MRPS28: variants seen among roughly 807,000 people sequenced by gnomAD.
MRPS28 encodes the protein small ribosomal subunit protein bS1m.
MRPS28 carries 7 observed loss-of-function variants against 10.8 expected under a neutral mutation model. That is an observed-to-expected ratio of 0.65 (90% confidence interval 0.37 to 1.22). MRPS28 has a LOEUF of 1.22. MRPS28 is among the 50% of genes most tolerant of loss of function. The pLI, the probability that MRPS28 is intolerant of heterozygous loss-of-function variation, is 0.02. For missense variants in MRPS28, 265 were observed against 232.9 expected (o/e 1.14, Z -0.90); for synonymous variants, 121 against 93.3 (o/e 1.30, Z -1.71).
chr8:79,987,462 A>T (rs1808220721), intron 2 of MRPS28, among the ~76,000 whole-genome samples: 1 of 152,122 alleles, frequency 6.6e-6, no homozygotes, highest in Admixed American at 6.5e-5. Flanking sequence ...TGCACAGCAA[A>T]AGAAACTACC....
At chr8:79,997,495 C>T (rs1270611892) in intron 2 of MRPS28, among the ~76,000 whole-genome samples, 1 of 152,134 alleles carries the variant, frequency 6.6e-6, no homozygotes, top group Non-Finnish European at 1.5e-5. Context: ...GAAAGCAATA[C>T]CTTTCACGTT....
intron 1 of MRPS28, among the ~76,000 whole-genome samples, chr8:80,029,091 C>T (rs545681424): frequency 6.6e-6 from 1 of 152,322 alleles, no homozygotes; most frequent in South Asian, 2.1e-4. Context: ...TGATTTTAGA[C>T]CAGTGAGATC....
chr8:80,028,596 G>C (rs938214128), intron 1 of MRPS28: 2 of 135,636 alleles, frequency 1.5e-5, no homozygotes, highest in Non-Finnish European at 3.1e-5. Context: ...TCTTAAAATA[G>C]ATTATCTAGG....
chr8:79,959,676 T>G (rs1190662651), intron 2 of MRPS28, among the ~76,000 whole-genome samples: 1 of 152,148 alleles, frequency 6.6e-6, no homozygotes, highest in Non-Finnish European at 1.5e-5. Flanking sequence ...ACAGAAATTT[T>G]AGTCCTAAAA....
At chr8:79,952,247 AT>A (rs1166554411) in intron 2 of MRPS28, among the ~76,000 whole-genome samples, 1 of 152,184 alleles carries the variant, frequency 6.6e-6, no homozygotes, top group African/African-American at 2.4e-5. Flanking sequence ...GAGAGAAACA[AT>A]TTTGTTCATA....
intron 2 of MRPS28, among the ~76,000 whole-genome samples, chr8:79,983,050 C>G (rs1210016958): frequency 6.7e-6 from 1 of 149,388 alleles, no homozygotes; most frequent in Non-Finnish European, 1.5e-5. Flanking sequence ...ACACCTCACA[C>G]GGCCAGGTAC....
intron 2 of MRPS28, among the ~76,000 whole-genome samples, chr8:79,923,277 G>A (rs1200430533): frequency 2.0e-5 from 3 of 152,162 alleles, no homozygotes; most frequent in African/African-American, 7.2e-5. Context: ...TGGTGTAAGA[G>A]GATTCACAGA....
At chr8:79,981,630 T>C (rs1053521928) in intron 2 of MRPS28, among the ~76,000 whole-genome samples, 9 of 152,208 alleles carry the variant, frequency 5.9e-5, no homozygotes, top group Non-Finnish European at 8.8e-5. Flanking sequence ...GTAAAAATGC[T>C]GAGTCTGAAA....
intron 2 of MRPS28, among the ~76,000 whole-genome samples, chr8:79,920,273 C>A (rs1303528095): frequency 6.6e-6 from 1 of 152,096 alleles, no homozygotes; most frequent in African/African-American, 2.4e-5. Flanking sequence ...GTCTTTATAG[C>A]AGCATGTTTT....
intron 2 of MRPS28, among the ~76,000 whole-genome samples, chr8:79,982,336 C>T (rs1000557387): frequency 7.9e-5 from 12 of 152,206 alleles, no homozygotes; most frequent in African/African-American, 2.7e-4. Flanking sequence ...GCATGAGCGA[C>T]GCAGAAGACG....
chr8:79,929,160 T>TC (rs1177502154), intron 2 of MRPS28, among the ~76,000 whole-genome samples: 1 of 152,136 alleles, frequency 6.6e-6, no homozygotes, highest in Non-Finnish European at 1.5e-5. Flanking sequence ...AAAATAAAAA[T>TC]CAACTACATA....
rs1019999456 is a variant in MRPS28 at position 79,958,546 on chromosome 8, TAAGA to T, written c.396-39402_396-39399del. ...TAACAATTTTTTAAAAGGCATTTAT[TAAGA>T]AAGAGAGTCACTAATTGATTTTGTT... On this transcript the variant is annotated intron_variant, in intron 2 of 2. Coordinates refer to ENST00000276585, the MANE Select transcript of MRPS28 (RefSeq NM_014018.3). 15 of 577,414 alleles carry T rather than the reference TAAGA, an allele frequency of 2.6e-5. No individual in the cohort carries two copies. The African/African-American group carries it at 2.7e-4, about 10-fold the overall frequency. 35.8% of individuals were successfully genotyped at this position (577,414 alleles called of 1,614,324 possible).
intron 2 of MRPS28, among the ~76,000 whole-genome samples, chr8:79,928,400 G>T (rs970230993): frequency 2.6e-5 from 4 of 151,868 alleles, no homozygotes; most frequent in African/African-American, 9.7e-5. Context: ...TTGACCATAG[G>T]TCGTGTTTGA....
chr8:79,952,294 G>A (rs1368991472), intron 2 of MRPS28, among the ~76,000 whole-genome samples: 2 of 152,138 alleles, frequency 1.3e-5, no homozygotes, highest in Non-Finnish European at 2.9e-5. Context: ...GATTTAACAA[G>A]GAATATTAGA....
intron 2 of MRPS28, among the ~76,000 whole-genome samples, chr8:79,966,699 T>G (rs571800794): frequency 6.6e-6 from 1 of 152,286 alleles, no homozygotes; most frequent in Admixed American, 6.5e-5. Context: ...CTTTAATTCT[T>G]GTGAATTAAT....
intron 2 of MRPS28, among the ~76,000 whole-genome samples, chr8:79,943,671 G>A (rs376851881): frequency 2.6e-5 from 4 of 152,270 alleles, no homozygotes; most frequent in East Asian, 1.9e-4. Context: ...ACAGTAATTT[G>A]ATGAAACTAA....
intron 1 of MRPS28, among the ~76,000 whole-genome samples, chr8:80,011,090 A>G (rs1324707402): frequency 2.0e-5 from 3 of 152,326 alleles, no homozygotes; most frequent in East Asian, 3.9e-4. Context: ...GAGGTAGTGT[A>G]AAAGAGTAAT....
intron 1 of MRPS28, 133 bp from the exon 2 acceptor site, chr8:80,003,313 C>A (rs186616887): frequency 6.4e-6 from 4 of 629,226 alleles, no homozygotes; most frequent in Admixed American, 7.3e-5. Context: ...CTTTAAAATG[C>A]CAGTTATGCT....
intron 1 of MRPS28, among the ~76,000 whole-genome samples, chr8:80,015,204 C>T (rs964964557): frequency 1.3e-5 from 2 of 152,208 alleles, no homozygotes; most frequent in Non-Finnish European, 2.9e-5. Context: ...GTACTTCAGA[C>T]GGCAAGTTCT....
Sources: gnomAD v4.1 joint callset for allele counts (sites outside exome capture counted in the v4.1 genomes callset) on GRCh38, gnomAD v4.1.1 for gene constraint, MANE v1.5 for transcripts, NCBI Gene and HGNC (gene_info 2026-07-23, HGNC 2026-07-21) for gene names.